Variants in KCTD18 observed in about 807,000 individuals in gnomAD.
The protein encoded by KCTD18 is potassium channel tetramerization domain containing 18, also known as BTB/POZ domain-containing protein KCTD18.
A neutral mutation model predicts 30.4 loss-of-function variants in KCTD18; 22 were observed. The observed-to-expected ratio is 0.72, with a 90% CI of 0.52 to 1.03. The LOEUF (loss-of-function observed/expected upper bound fraction) is 1.03, where lower values mean the gene tolerates loss of function less well. Among genes scored for constraint, KCTD18 ranks in the 50% least tolerant of loss-of-function variants. KCTD18 has a pLI of 0.00. For synonymous variants in KCTD18, 186 were observed against 209.0 expected (o/e 0.89, Z 0.95); for missense variants, 529 against 547.6 (o/e 0.97, Z 0.34).
At chr2:200,501,032 A>G (rs1351781300) in intron 3 of KCTD18, among the ~76,000 whole-genome samples, 11 of 151,440 alleles carry the variant, frequency 7.3e-5, no homozygotes, top group African/African-American at 1.5e-4. Context: ...CAAGCAATGG[A>G]GAAAGGATTC....
chr2:200,501,032 A>C (rs1351781300), intron 3 of KCTD18, among the ~76,000 whole-genome samples: 1 of 151,322 alleles, frequency 6.6e-6, no homozygotes, highest in African/African-American at 2.4e-5. Flanking sequence ...CAAGCAATGG[A>C]GAAAGGATTC....
intron 2 of KCTD18, among the ~76,000 whole-genome samples, chr2:200,505,693 CA>C (rs2030148507): frequency 1.3e-5 from 2 of 152,100 alleles, no homozygotes. Flanking sequence ...CCAGTGTTTG[CA>C]TATCAGCAAC....
chr2:200,509,056 G>A (rs1461845230), intron 1 of KCTD18, among the ~76,000 whole-genome samples: 1 of 152,194 alleles, frequency 6.6e-6, no homozygotes, highest in Non-Finnish European at 1.5e-5. Flanking sequence ...GCCAGGGCCT[G>A]TGTCACTCTT....
chr2:200,499,801 C>T (rs2088057094), intron 3 of KCTD18, among the ~76,000 whole-genome samples: 1 of 150,586 alleles, frequency 6.6e-6, no homozygotes, highest in African/African-American at 2.4e-5. Context: ...CATCCTGATA[C>T]CAAAGCTGGG....
chr2:200,501,043 C>T (rs1283455821), intron 3 of KCTD18, among the ~76,000 whole-genome samples: 2 of 151,816 alleles, frequency 1.3e-5, no homozygotes, highest in African/African-American at 4.8e-5. Flanking sequence ...GAAAGGATTC[C>T]CTATTTAATA....
rs569262259 is a variant in KCTD18, at chr2:200,490,310, C to A, written c.1071G>T (p.Thr357=). 19 of 1,614,132 alleles carry A rather than the reference C, an allele frequency of 1.2e-5. No individual in the cohort carries two copies. The Admixed American group carries it at 3.2e-4, about 27-fold the overall frequency. ...PGAASAENGG[T]HLPPAKVLLS... ...GTAGCACCTTAGCTGGAGGTAAGTG[C>A]GTGCCTCCATTTTCAGCGCTCGCAG... Residue 357 remains threonine (T), a synonymous_variant, in exon 7 of 7, where the codon ACG becomes ACT. Coordinates refer to ENST00000359878, the MANE Select transcript of KCTD18 (RefSeq NM_152387.4).
In KCTD18 at chr2:200,506,965, C is replaced by G. The variant is rs1055237519; in HGVS notation, c.52G>C (p.Val18Leu). 1 of 1,613,944 alleles carries G rather than the reference C, an allele frequency of 6.2e-7. No homozygotes were observed. Among genetic ancestry groups the G allele is most frequent in the African/African-American group, 1.3e-5 (1 of 75,032 alleles). ...CGGGCTGTGTAAATACAGCCACCCA[C>G]GTTCAGTCGGAGAACATCTAGCACC... ...EEVLDVLRLN[V>L]GGCIYTARRE... The change falls in exon 2 of 7, where the codon GTG becomes CTG. Residue 18 changes from valine to leucine, a missense_variant. Val to Leu is a conservative substitution (Grantham distance 32). Coordinates refer to ENST00000359878, the MANE Select transcript of KCTD18 (RefSeq NM_152387.4).
chr2:200,489,991 C>T lies in KCTD18; in HGVS notation c.*109G>A. 8.4e-7 allele frequency: 1 copy of T among 1,184,166 alleles called. No homozygotes were observed. Among genetic ancestry groups the T allele is most frequent in the Non-Finnish European group, 1.2e-6 (1 of 866,466 alleles). The allele number at this position is 1,184,166 out of a possible 1,614,324, so 73.4% of individuals were successfully genotyped here. A position where few individuals can be genotyped will look rare whatever the true frequency, so the allele number is the denominator to read the frequency against. ...ACAATTCCAGGAACAGAATCCTCAA[C>T]ATAAACCTAAGCTTCCCCTCTGCTG... On this transcript the variant is annotated 3_prime_UTR_variant, in exon 7 of 7. Coordinates refer to ENST00000359878, the MANE Select transcript of KCTD18 (RefSeq NM_152387.4).
chr2:200,504,785 T>C lies in KCTD18; in HGVS notation c.335A>G (p.Glu112Gly). Residue 112 changes from glutamate (E) to glycine (G), a missense_variant, in exon 3 of 7, where the codon GAG (glutamate) becomes GGG (glycine). Physicochemically the swap from Glu to Gly is moderately conservative, Grantham distance 98. Transcript: ENST00000359878. ...SLSDHLANEMETYSLRSNIEL... is the reference protein window; with the variant it reads ...SLSDHLANEMGTYSLRSNIEL... ...TATATTTGACCTTAAAGAATATGTC[T>C]CCATTTCATTGGCCAAATGGTCAGA... 1 of 1,614,162 alleles carries C rather than the reference T, an allele frequency of 6.2e-7. No homozygotes were observed. The highest frequency in any genetic ancestry group is 8.5e-7 in the Non-Finnish European group (1 of 1,180,006).
At position 200,489,492 on chromosome 2, in the gene KCTD18, T is replaced by G. The variant is rs1264180789; in HGVS notation, c.*608A>C. ...AAATAAATCTACTAACAGAAAAGAG[T>G]AAGAAAAGCCAATCTAGGAAAGAAA... On this transcript the variant is annotated 3_prime_UTR_variant, in exon 7 of 7. Coordinates refer to ENST00000359878, the MANE Select transcript of KCTD18 (RefSeq NM_152387.4). 1 of 152,064 alleles carries G rather than the reference T, an allele frequency of 6.6e-6. No homozygotes were observed. The highest frequency in any genetic ancestry group is 2.4e-5 in the African/African-American group (1 of 41,380). The allele number at this position is 152,064 out of a possible 1,614,324, so 9.4% of individuals were successfully genotyped here. A position where few individuals can be genotyped will look rare whatever the true frequency, so the allele number is the denominator to read the frequency against.
intron 4 of KCTD18, 103 bp downstream of exon 4, chr2:200,498,788 G>C (rs1399221255): frequency 1.1e-6 from 1 of 944,266 alleles, no homozygotes; most frequent in East Asian, 2.4e-5. Flanking sequence ...CTCCTGAGAG[G>C]TGTTAATGGT....
chr2:200,490,289 C>A lies in KCTD18; in HGVS notation c.1092G>T (p.Val364=), dbSNP rs2087890773. Residue 364 remains valine (V), a synonymous_variant, in exon 7 of 7, where the codon GTG becomes GTT. Coordinates refer to ENST00000359878, the MANE Select transcript of KCTD18 (RefSeq NM_152387.4). ...GTGTAGGCTTCTTGTCGGAGAGTAG[C>A]ACCTTAGCTGGAGGTAAGTGCGTGC... The part of the protein sequence containing the change: ...NGGTHLPPAK[V]LLSDKKPTPQ... 6.2e-7 allele frequency: 1 copy of A among 1,614,116 alleles called. No individual in the cohort carries two copies. The highest frequency in any genetic ancestry group is 8.5e-7 in the Non-Finnish European group (1 of 1,180,048).
At chr2:200,502,301 A>T (rs183742663) in intron 3 of KCTD18, among the ~76,000 whole-genome samples, 34 of 152,044 alleles carry the variant, frequency 2.2e-4, no homozygotes, top group South Asian at 4.2e-4. Context: ...TAATAAATTT[A>T]AAAAAAAGAA....
In KCTD18 at chr2:200,504,740, G is replaced by A. The variant is rs139330087; in HGVS notation, c.372+8C>T. 1.4e-5 allele frequency: 23 copies of A among 1,600,792 alleles called. No individual in the cohort carries two copies. The East Asian group carries it at 4.9e-4, about 34-fold the overall frequency. The stretch of plus-strand genomic sequence containing the variant: ...TATATATTCAAAAACTTAAAAAAAT[G>A]CCAAGACCTTTTTAAGTTCTATATT... On this transcript the variant is annotated splice_region_variant and intron_variant, in intron 3 of 6. Transcript: ENST00000359878.
At position 200,490,302 on chromosome 2, in the gene KCTD18, G is replaced by A. The variant is rs775436756; in HGVS notation, c.1079C>T (p.Pro360Leu). 3 of 1,614,274 alleles carry A rather than the reference G, an allele frequency of 1.9e-6. No individual in the cohort carries two copies. The South Asian group carries it at 3.3e-5, about 18-fold the overall frequency. Residue 360 changes from proline to leucine, a missense_variant, in exon 7 of 7, where the codon CCT becomes CTT. Coordinates refer to ENST00000359878, the MANE Select transcript of KCTD18 (RefSeq NM_152387.4). ...ASAENGGTHL[P>L]PAKVLLSDKK... Reference sequence around the variant, plus strand: ...GTCGGAGAGTAGCACCTTAGCTGGAGGTAAGTGCGTGCCTCCATTTTCAGC... The same window carrying A: ...GTCGGAGAGTAGCACCTTAGCTGGAAGTAAGTGCGTGCCTCCATTTTCAGC...
rs1263635700 is a variant in KCTD18 at position 200,497,746 on chromosome 2, A to C, written c.661+7T>G. The C allele has an allele frequency of 1.3e-6, 2 of 1,582,802 alleles. No individual in the cohort carries two copies. Among genetic ancestry groups the C allele is most frequent in the East Asian group, 4.5e-5 (2 of 44,580 alleles). Reference sequence around the variant, plus strand: ...TGCTTCCATGAAATAAAAGAATTGCACTGTACCTTTTCCTTCCCAAGCATC... The same window carrying C: ...TGCTTCCATGAAATAAAAGAATTGCCCTGTACCTTTTCCTTCCCAAGCATC... On this transcript the variant is annotated splice_region_variant and intron_variant, in intron 5 of 6. Transcript: ENST00000359878.
Position 200,507,056 on chromosome 2 carries a change from T to A in KCTD18, c.-40A>T. 1 of 1,540,688 alleles carries A rather than the reference T, an allele frequency of 6.5e-7. No homozygotes were observed. Among genetic ancestry groups the A allele is most frequent in the Non-Finnish European group, 8.9e-7 (1 of 1,128,986 alleles). On this transcript the variant is annotated 5_prime_UTR_variant, in exon 2 of 7. Transcript: ENST00000359878. ...CCTGAATTTTTGCCGCCCAACACTT[T>A]CAGAAACTTCAAAACAATGATGTCT...
At position 200,507,044 on chromosome 2, in the gene KCTD18, C is replaced by G. The variant is rs750486174; in HGVS notation, c.-28G>C. 3.8e-6 allele frequency: 6 copies of G among 1,582,818 alleles called. No individual in the cohort carries two copies. In the Admixed American group the frequency reaches 9.1e-5, roughly 24 times the overall value. ...CTCCCCCAGGCACCTGAATTTTTGC[C>G]GCCCAACACTTTCAGAAACTTCAAA... On this transcript the variant is annotated 5_prime_UTR_variant, in exon 2 of 7. Transcript: ENST00000359878.
intron 3 of KCTD18, among the ~76,000 whole-genome samples, chr2:200,502,746 C>T (rs1285159545): frequency 6.6e-6 from 1 of 152,152 alleles, no homozygotes; most frequent in Non-Finnish European, 1.5e-5. Context: ...GAAGTGCCAC[C>T]AGGACCGGGT....
Sources: gnomAD v4.1 joint callset for allele counts (sites outside exome capture counted in the v4.1 genomes callset) on GRCh38, gnomAD v4.1.1 for gene constraint, MANE v1.5 for transcripts, NCBI Gene and HGNC (gene_info 2026-07-23, HGNC 2026-07-21) for gene names.